Variants in FGF12 observed in about 807,000 individuals in gnomAD.
FGF12 encodes the protein fibroblast growth factor 12B.
Under a neutral mutation model 23.6 loss-of-function variants are expected in FGF12, and 14 were observed. The observed-to-expected ratio is 0.59, with a 90% CI of 0.39 to 0.93. FGF12 has a LOEUF of 0.93. FGF12 is among the 40% of genes least tolerant of loss of function. FGF12 has a pLI of 0.00. For missense variants in FGF12, 175 were observed against 217.8 expected (o/e 0.80, Z 1.24); for synonymous variants, 62 against 77.3 (o/e 0.80, Z 1.04).
At chr3:192,503,411 C>A (rs1413034308) in intron 2 of FGF12, among the ~76,000 whole-genome samples, 1 of 151,850 alleles carries the variant, frequency 6.6e-6, no homozygotes, top group Non-Finnish European at 1.5e-5. Context: ...TGCCGAATTC[C>A]AAAAAATCAG....
rs879722366 is a variant in FGF12, at chr3:192,346,021, AT to A, written c.125-10558del. 7.0e-3 allele frequency among the ~76,000 whole-genome samples: 865 copies of A among 123,666 alleles called. 6 individuals carry two copies. The highest frequency in any genetic ancestry group is 0.024 in the African/African-American group (701 of 28,970). The allele number at this position is 123,666 out of a possible 152,430, so 81.1% of individuals were successfully genotyped here. A position where few individuals can be genotyped will look rare whatever the true frequency, so the allele number is the denominator to read the frequency against. ...ATAGAAATAAACATAATGTGGAAAG[AT>A]TTTTTTTTTTTAGAAATTAGGGATA... On this transcript the variant is annotated intron_variant, in intron 3 of 5. Transcript: ENST00000445105.
At chr3:192,668,515 G>A (rs890970408) in intron 2 of FGF12, among the ~76,000 whole-genome samples, 2 of 152,152 alleles carry the variant, frequency 1.3e-5, no homozygotes, top group African/African-American at 2.4e-5. Flanking sequence ...TCTGTGGCCA[G>A]AAATGTGCCA....
chr3:192,322,987 T>A (rs1163346853), intron 4 of FGF12, among the ~76,000 whole-genome samples: 1 of 152,174 alleles, frequency 6.6e-6, no homozygotes, highest in Non-Finnish European at 1.5e-5. Flanking sequence ...TCATCATTGA[T>A]CATCAGAGAA....
chr3:192,602,148 A>T (rs1714139395), intron 2 of FGF12, among the ~76,000 whole-genome samples: 1 of 152,164 alleles, frequency 6.6e-6, no homozygotes, highest in Non-Finnish European at 1.5e-5. Flanking sequence ...CAATTCTAAC[A>T]AATGTCTTAT....
At chr3:192,572,385 A>G (rs1271498867) in intron 2 of FGF12, among the ~76,000 whole-genome samples, 2 of 152,188 alleles carry the variant, frequency 1.3e-5, no homozygotes, top group Admixed American at 6.5e-5. Context: ...GTCAAGCTCC[A>G]TTTACCTTTT....
At chr3:192,277,826 G>A (rs945930556) in intron 4 of FGF12, among the ~76,000 whole-genome samples, 16 of 152,114 alleles carry the variant, frequency 1.1e-4, no homozygotes, top group South Asian at 2.1e-4. Flanking sequence ...GCAGTGGTGC[G>A]ATCTCAGCCC....
intron 5 of FGF12, among the ~76,000 whole-genome samples, chr3:192,159,896 A>T (rs142570514): frequency 0.014 from 2,115 of 152,110 alleles, 45 homozygotes; most frequent in African/African-American, 0.047. Context: ...AGTTGTAATA[A>T]CCAGTACTAG....
At chr3:192,177,387 A>G (rs1482220769) in intron 4 of FGF12, among the ~76,000 whole-genome samples, 1 of 152,240 alleles carries the variant, frequency 6.6e-6, no homozygotes, top group Non-Finnish European at 1.5e-5. Flanking sequence ...TTTTAGTATG[A>G]CATCTGCTCA....
intron 2 of FGF12, among the ~76,000 whole-genome samples, chr3:192,666,829 ATGTTTAGTG>A (rs1716887882): frequency 6.6e-6 from 1 of 152,190 alleles, no homozygotes; most frequent in African/African-American, 2.4e-5. Context: ...CAAAGAGTAA[ATGTTTAGTG>A]TGCCAACAAT....
intron 4 of FGF12, among the ~76,000 whole-genome samples, chr3:192,178,963 T>G (rs1716014552): frequency 6.6e-6 from 1 of 152,234 alleles, no homozygotes; most frequent in South Asian, 2.1e-4. Flanking sequence ...TCTCACTGGA[T>G]ATTTGGCTGT....
chr3:192,357,761 C>A (rs1577385036), intron 3 of FGF12, among the ~76,000 whole-genome samples: 1 of 151,934 alleles, frequency 6.6e-6, no homozygotes, highest in Non-Finnish European at 1.5e-5. Flanking sequence ...GAAAGAAGAT[C>A]AAAAATAAAT....
intron 2 of FGF12, among the ~76,000 whole-genome samples, chr3:192,725,391 T>C (rs1719178628): frequency 6.6e-6 from 1 of 152,102 alleles, no homozygotes; most frequent in Admixed American, 6.5e-5. Flanking sequence ...TGATTCACTA[T>C]ATCATTGCTG....
At chr3:192,265,989 T>C (rs566555091) in intron 4 of FGF12, among the ~76,000 whole-genome samples, 8 of 152,296 alleles carry the variant, frequency 5.3e-5, no homozygotes, top group African/African-American at 1.9e-4. Flanking sequence ...TAGGAAAGAA[T>C]TCATTTAGCA....
intron 2 of FGF12, among the ~76,000 whole-genome samples, chr3:192,432,236 C>G (rs367778471): frequency 1.3e-5 from 2 of 152,240 alleles, no homozygotes; most frequent in East Asian, 3.9e-4. Context: ...GGAGGTAACA[C>G]AACCTAATAA....
chr3:192,192,498 T>C (rs1048811843), intron 4 of FGF12, among the ~76,000 whole-genome samples: 1 of 148,242 alleles, frequency 6.7e-6, no homozygotes, highest in Non-Finnish European at 1.5e-5. Context: ...TATAATTACA[T>C]GTTATATATA....
chr3:192,180,573 C>T (rs569417161), intron 4 of FGF12, among the ~76,000 whole-genome samples: 2 of 152,290 alleles, frequency 1.3e-5, no homozygotes, highest in South Asian at 4.1e-4. Context: ...GTCAAATGCA[C>T]ATATTTCAAT....
At chr3:192,694,950 C>T (rs1176282360) in intron 2 of FGF12, among the ~76,000 whole-genome samples, 1 of 151,598 alleles carries the variant, frequency 6.6e-6, no homozygotes, top group Non-Finnish European at 1.5e-5. Context: ...ATCTAGTGTA[C>T]AGCATAAGGA....
In FGF12 at chr3:192,588,372, A is replaced by C. The variant is rs967547037; in HGVS notation, c.13+138809T>G. On this transcript the variant is annotated intron_variant, in intron 2 of 5. Transcript: ENST00000445105. ...CTCAAAAAAAAAAAAAAAAAAGAAA[A>C]AAAGAAAAAAAAAATTCAGCATCTG... Among the ~76,000 whole-genome samples, 7 of 149,624 alleles carry C rather than the reference A, an allele frequency of 4.7e-5. No homozygotes were observed. The East Asian group carries it at 1.4e-3, about 29-fold the overall frequency.
At chr3:192,494,639 C>T (rs749868284) in intron 2 of FGF12, among the ~76,000 whole-genome samples, 1 of 152,074 alleles carries the variant, frequency 6.6e-6, no homozygotes, top group East Asian at 1.9e-4. Context: ...TCCTCCTTCC[C>T]ACCTGCAAAT....
Sources: allele counts gnomAD v4.1 joint callset (sites outside exome capture counted in the v4.1 genomes callset), GRCh38; gene constraint gnomAD v4.1.1; transcripts MANE v1.5; gene names NCBI Gene and HGNC (gene_info 2026-07-23, HGNC 2026-07-21).